LINGO3: variants seen among roughly 807,000 people sequenced by gnomAD.
LINGO3 encodes the protein leucine-rich repeat and immunoglobulin-like domain-containing nogo receptor-interacting protein 3.
For synonymous variants in LINGO3, 427 were observed against 444.2 expected (o/e 0.96, Z 0.49); for missense variants, 750 against 867.7 (o/e 0.86, Z 1.70).
Position 2,290,459 on chromosome 19 carries a change from C to T in LINGO3, c.1318G>A (p.Ala440Thr). The T allele has an allele frequency of 6.9e-7, 1 of 1,453,942 alleles. No individual in the cohort carries two copies. Among genetic ancestry groups the T allele is most frequent in the Non-Finnish European group, 9.0e-7 (1 of 1,110,140 alleles). 90.1% of individuals were successfully genotyped at this position (1,453,942 alleles called of 1,614,324 possible). A position where few individuals can be genotyped will look rare whatever the true frequency, so the allele number is the denominator to read the frequency against. Reference sequence around the variant, plus strand: ...GGCCGGTGCTGGGGGGTCACCCAGGCCACGGTGGGCGCCGGCTCGCCCTCG... The same window carrying T: ...GGCCGGTGCTGGGGGGTCACCCAGGTCACGGTGGGCGCCGGCTCGCCCTCG... Residue 440 changes from alanine (A) to threonine (T), a missense_variant, in exon 1 of 1, where the codon GCC becomes ACC. Transcript: ENST00000585527. This position sits in a 1 kb window ranked among gnomAD's most constrained non-coding sequence, Gnocchi z 6.0.
At chr19:2,291,639 G>A in exon 1 of LINGO3, 1 of 1,438,678 alleles carries the variant, frequency 7.0e-7, no homozygotes, top group Non-Finnish European at 9.0e-7. Context: ...CGGGCACGGC[G>A]GTCAGGCGGC....
downstream of LINGO3, chr19:2,289,758 T>A: frequency 3.8e-4 from 58 of 154,162 alleles, no homozygotes; most frequent in Non-Finnish European, 4.9e-4. Context: ...ACCCCCCAGC[T>A]CAGCCACCAT....
upstream of LINGO3, among the ~76,000 whole-genome samples, chr19:2,296,146 C>T (rs1433131174): frequency 1.3e-5 from 2 of 152,210 alleles, no homozygotes; most frequent in Admixed American, 6.5e-5. Context: ...GCTGCCCTGC[C>T]GACAGCACAC....
chr19:2,308,142 A>AGCCGCT, the LINGO3 span, among the ~76,000 whole-genome samples: 1 of 139,692 alleles, frequency 7.2e-6, no homozygotes, highest in Non-Finnish European at 1.6e-5. Context: ...CGACACGAGC[A>AGCCGCT]GCCGCCGCCG....
upstream of LINGO3, among the ~76,000 whole-genome samples, chr19:2,292,333 G>C: frequency 6.7e-6 from 1 of 148,486 alleles, no homozygotes; most frequent in African/African-American, 2.5e-5. Flanking sequence ...AGGGGGTTGA[G>C]GCCACAGTGA....
downstream of LINGO3, among the ~76,000 whole-genome samples, chr19:2,289,131 G>A (rs111400977): frequency 5.7e-4 from 86 of 150,688 alleles, no homozygotes; most frequent in African/African-American, 1.8e-3. Flanking sequence ...GGTGTGAGCT[G>A]AGTGTGTCCT....
the LINGO3 span, among the ~76,000 whole-genome samples, chr19:2,301,458 G>A: frequency 2.0e-5 from 3 of 152,028 alleles, no homozygotes; most frequent in South Asian, 2.1e-4. Context: ...AGTCCCCGGC[G>A]GGGCAGAACC....
At chr19:2,294,685 G>C (rs1243799578), upstream of LINGO3, among the ~76,000 whole-genome samples, 1 of 152,126 alleles carries the variant, frequency 6.6e-6, no homozygotes, top group Non-Finnish European at 1.5e-5. This position sits in a 1 kb window ranked among gnomAD's most constrained non-coding sequence, Gnocchi z 4.3. Context: ...CAGAGGAACA[G>C]GCGCCAATGC....
the LINGO3 span, among the ~76,000 whole-genome samples, chr19:2,298,244 A>G: frequency 6.6e-6 from 1 of 151,866 alleles, no homozygotes; most frequent in Non-Finnish European, 1.5e-5. Context: ...TTATTTATTT[A>G]TTTAGAGACA....
upstream of LINGO3, among the ~76,000 whole-genome samples, chr19:2,295,545 A>G (rs11879302): frequency 0.047 from 7,174 of 152,132 alleles, 582 homozygotes; most frequent in African/African-American, 0.16. Context: ...GAGCAGCCTA[A>G]GCAACATGGA....
chr19:2,308,145 C>CGCT, the LINGO3 span, among the ~76,000 whole-genome samples: 313 of 136,488 alleles, frequency 2.3e-3, 1 homozygote, highest in Middle Eastern at 7.9e-3. Flanking sequence ...CACGAGCAGC[C>CGCT]GCCGCCGCCG....
the LINGO3 span, among the ~76,000 whole-genome samples, chr19:2,298,952 T>C: frequency 6.6e-6 from 1 of 152,184 alleles, no homozygotes; most frequent in Non-Finnish European, 1.5e-5. Context: ...ACTGATCCAG[T>C]GGCAGAAGTG....
chr19:2,291,557 G>T, exon 1 of LINGO3: 1 of 1,588,486 alleles, frequency 6.3e-7, no homozygotes. Flanking sequence ...AGCGCGGCCA[G>T]GTCGCCCGGG....
At chr19:2,307,051 C>T in the LINGO3 span, among the ~76,000 whole-genome samples, 16 of 152,276 alleles carry the variant, frequency 1.1e-4, no homozygotes, top group East Asian at 2.9e-3. Flanking sequence ...TTCCAGGGAG[C>T]CCTCCTGGGT....
the LINGO3 span, among the ~76,000 whole-genome samples, chr19:2,307,355 C>T: frequency 3.9e-5 from 6 of 152,188 alleles, no homozygotes; most frequent in Admixed American, 6.5e-5. Context: ...TGGTCTCCAG[C>T]GTAAGGACCC....
chr19:2,304,580 C>T, the LINGO3 span, among the ~76,000 whole-genome samples: 1 of 152,072 alleles, frequency 6.6e-6, no homozygotes, highest in African/African-American at 2.4e-5. Flanking sequence ...AGAGGCTGTG[C>T]TGAGGCTATG....
At chr19:2,301,698 A>C in the LINGO3 span, among the ~76,000 whole-genome samples, 1 of 151,994 alleles carries the variant, frequency 6.6e-6, no homozygotes, top group Non-Finnish European at 1.5e-5. Context: ...GAGGCCGAGG[A>C]GGGCGGATCA....
upstream of LINGO3, among the ~76,000 whole-genome samples, chr19:2,294,368 C>A (rs1427815911): frequency 6.6e-6 from 1 of 152,040 alleles, no homozygotes; most frequent in East Asian, 1.9e-4. The surrounding 1 kb of genome is among the most constrained non-coding windows in gnomAD (Gnocchi z 4.3). Flanking sequence ...CCAGAGGGCC[C>A]CCGGCCCTGC....
downstream of LINGO3, among the ~76,000 whole-genome samples, chr19:2,288,508 C>T (rs913182540): frequency 1.3e-5 from 2 of 152,196 alleles, no homozygotes; most frequent in African/African-American, 4.8e-5. This position sits in a 1 kb window ranked among gnomAD's most constrained non-coding sequence, Gnocchi z 6.5. Flanking sequence ...TTTGGAAGGA[C>T]ACTCAGCACC....
Sources: allele counts gnomAD v4.1 joint callset (sites outside exome capture counted in the v4.1 genomes callset), GRCh38; gene constraint gnomAD v4.1.1; non-coding constraint Gnocchi (gnomAD v3.1); transcripts MANE v1.5; gene names NCBI Gene and HGNC (gene_info 2026-07-23, HGNC 2026-07-21).